The following TNNI3K variants were observed in gnomAD, a reference collection of about 807,000 sequenced individuals.
The protein encoded by TNNI3K is serine/threonine-protein kinase TNNI3K.
A neutral mutation model predicts 114.5 loss-of-function variants in TNNI3K; 140 were observed. The observed-to-expected ratio is 1.22, with a 90% CI of 1.07 to 1.41. TNNI3K has a LOEUF of 1.41. TNNI3K is among the 40% of genes most tolerant of loss of function. The pLI is 0.00. For missense variants in TNNI3K, 1,125 were observed against 1,007.6 expected (o/e 1.12, Z -1.58); for synonymous variants, 347 against 347.5 (o/e 1.00, Z 0.02).
At chr1:74,396,499 T>C (rs1270832211) in intron 17 of TNNI3K, among the ~76,000 whole-genome samples, 1 of 152,188 alleles carries the variant, frequency 6.6e-6, no homozygotes, top group African/African-American at 2.4e-5. Flanking sequence ...TAGGACCCAA[T>C]TTTTATACTT....
At position 74,236,448 on chromosome 1, in the gene TNNI3K, A is replaced by G. The variant is rs530292230; in HGVS notation, c.149+238A>G. Among the ~76,000 whole-genome samples the G allele has an allele frequency of 2.6e-5, 4 of 151,982 alleles. No homozygotes were observed. In the East Asian group the frequency reaches 7.7e-4, roughly 29 times the overall value. On this transcript the variant is annotated intron_variant, in intron 2 of 24. Transcript: ENST00000326637. ...TCTGCCATCATTAAAGTTTAAAAAT[A>G]AAAACCTAAAGGCTAGCCTTTGAAT...
At chr1:74,534,012 T>G (rs1646627427) in intron 23 of TNNI3K, among the ~76,000 whole-genome samples, 1 of 152,212 alleles carries the variant, frequency 6.6e-6, no homozygotes, top group Admixed American at 6.6e-5. Context: ...AGCCTGACTT[T>G]GCATCCCCAA....
intron 6 of TNNI3K, among the ~76,000 whole-genome samples, chr1:74,332,976 A>AAAAAAAAAAGAG (rs57556485): frequency 4.6e-4 from 42 of 90,750 alleles, no homozygotes; most frequent in Middle Eastern, 7.7e-3. Flanking sequence ...AAAAAAAAAA[A>AAAAAAAAAAGAG]AGAGAGAGAC....
At chr1:74,412,344 T>TA (rs1176821665) in intron 17 of TNNI3K, among the ~76,000 whole-genome samples, 1 of 152,146 alleles carries the variant, frequency 6.6e-6, no homozygotes, top group Non-Finnish European at 1.5e-5. Context: ...ACTGAGGACT[T>TA]AGACAAGTGA....
intron 5 of TNNI3K, among the ~76,000 whole-genome samples, chr1:74,297,510 A>AGTGTGTGTGT (rs1163611745): frequency 9.9e-6 from 1 of 101,170 alleles, no homozygotes. Flanking sequence ...CATCTTGTCC[A>AGTGTGTGTGT]GTGTGTGTGT....
At position 74,526,748 on chromosome 1, in the gene TNNI3K, A is replaced by G. The variant is rs146654172; in HGVS notation, c.2352-13486A>G. Among the ~76,000 whole-genome samples the G allele has an allele frequency of 7.9e-4, 121 of 152,326 alleles. 1 individual carries two copies. Among genetic ancestry groups the G allele is most frequent in the African/African-American group, 2.8e-3 (115 of 41,576 alleles). On this transcript the variant is annotated intron_variant, in intron 23 of 24. Transcript: ENST00000326637. ...GAATGGAGATCCTACATTCACTGAG[A>G]TATCATTGTTTGGCCCAAAGGGAGA... is the stretch of plus-strand genomic sequence containing the variant.
chr1:74,475,012 CT>C (rs1668119561), intron 21 of TNNI3K, among the ~76,000 whole-genome samples: 2 of 145,768 alleles, frequency 1.4e-5, no homozygotes, highest in Non-Finnish European at 3.0e-5. Context: ...TACTTTTTTT[CT>C]TTTTTTAACA....
At chr1:74,359,891 T>C (rs948238542) in intron 11 of TNNI3K, among the ~76,000 whole-genome samples, 4 of 151,902 alleles carry the variant, frequency 2.6e-5, no homozygotes, top group African/African-American at 9.7e-5. Flanking sequence ...TTTGTCCTCA[T>C]GATTCTCTTT....
rs1351136777 is a variant in TNNI3K at position 74,249,452 on chromosome 1, T to C, written c.150-7T>C. 1.8e-5 allele frequency: 29 copies of C among 1,610,502 alleles called. No individual in the cohort carries two copies. Among genetic ancestry groups the C allele is most frequent in the Non-Finnish European group, 2.5e-5 (29 of 1,178,708 alleles). ...TTTTGTGATCATCTGTAACATGTTT[T>C]TTTCAGCTCTGATGAAGCCTTCAGT... On this transcript the variant is annotated splice_polypyrimidine_tract_variant and splice_region_variant and intron_variant, in intron 2 of 24. Coordinates refer to ENST00000326637, the MANE Select transcript of TNNI3K (RefSeq NM_015978.3).
At chr1:74,533,139 T>C (rs1312854718) in intron 23 of TNNI3K, among the ~76,000 whole-genome samples, 5 of 151,960 alleles carry the variant, frequency 3.3e-5, no homozygotes, top group African/African-American at 1.2e-4. Context: ...ACCTACAAAA[T>C]GGGAGAAAAT....
At chr1:74,496,013 G>A (rs1669308736) in intron 23 of TNNI3K, among the ~76,000 whole-genome samples, 1 of 152,188 alleles carries the variant, frequency 6.6e-6, no homozygotes, top group Non-Finnish European at 1.5e-5. Flanking sequence ...TGAGACAGTG[G>A]TTCTCAACTT....
chr1:74,436,198 A>G (rs1291346175), intron 18 of TNNI3K, 66 bp downstream of exon 18: 75 of 1,589,786 alleles, frequency 4.7e-5, no homozygotes, highest in Non-Finnish European at 6.0e-5. Context: ...GGTGCCTGAT[A>G]TTGTACCATG....
intron 11 of TNNI3K, among the ~76,000 whole-genome samples, chr1:74,358,550 G>A (rs910447579): frequency 3.3e-5 from 5 of 151,990 alleles, no homozygotes; most frequent in Non-Finnish European, 7.4e-5. Flanking sequence ...AGAAGAGATA[G>A]ATTCATTAAA....
At chr1:74,445,490 G>A (rs1044059973) in intron 20 of TNNI3K, among the ~76,000 whole-genome samples, 8 of 145,920 alleles carry the variant, frequency 5.5e-5, no homozygotes, top group African/African-American at 1.8e-4. Context: ...TTGTTCTTGC[G>A]ATAGTTTACT....
chr1:74,236,302 A>C, intron 2 of TNNI3K, 92 bp downstream of exon 2: 1 of 1,095,252 alleles, frequency 9.1e-7, no homozygotes, highest in Non-Finnish European at 1.3e-6. Flanking sequence ...AAACCCGTAG[A>C]ACCTCAGACA....
At chr1:74,433,408 C>T (rs148879564) in intron 17 of TNNI3K, among the ~76,000 whole-genome samples, 9 of 152,166 alleles carry the variant, frequency 5.9e-5, no homozygotes, top group South Asian at 4.1e-4. Flanking sequence ...ATAGGAAGCA[C>T]GGCTTACTTC....
chr1:74,346,185 C>G (rs1046700957), intron 9 of TNNI3K: 1 of 152,140 alleles, frequency 6.6e-6, no homozygotes, highest in South Asian at 2.1e-4. Flanking sequence ...CCAAGATCCT[C>G]TGGTTTGTGT....
At chr1:74,370,110 C>T (rs1184886375) in intron 16 of TNNI3K, among the ~76,000 whole-genome samples, 178 bp from the exon 17 acceptor site, 2 of 151,756 alleles carry the variant, frequency 1.3e-5, no homozygotes, top group Non-Finnish European at 2.9e-5. Context: ...TTAATTGATT[C>T]ATAATTAAGC....
intron 24 of TNNI3K, among the ~76,000 whole-genome samples, chr1:74,541,850 C>T (rs770909476): frequency 1.3e-5 from 2 of 152,176 alleles, no homozygotes; most frequent in African/African-American, 4.8e-5. Context: ...CAAGAAAGAA[C>T]GCTTTAATTG....
Sources: gnomAD v4.1 joint callset for allele counts (sites outside exome capture counted in the v4.1 genomes callset) on GRCh38, gnomAD v4.1.1 for gene constraint, MANE v1.5 for transcripts, NCBI Gene and HGNC (gene_info 2026-07-23, HGNC 2026-07-21) for gene names.